Variants in THSD4 observed in about 807,000 individuals in gnomAD.
THSD4 encodes the protein thrombospondin type 1 domain containing 4.
THSD4 carries 69 observed loss-of-function variants against 119.0 expected under a neutral mutation model. The ratio of observed to expected loss-of-function variants is 0.58; its 90% CI spans 0.48 to 0.71. The LOEUF (loss-of-function observed/expected upper bound fraction) is 0.71, where lower values mean the gene tolerates loss of function less well. Among genes scored for constraint, THSD4 ranks in the 30% least tolerant of loss-of-function variants. The probability of loss-of-function intolerance (pLI) is 0.00; values close to 1 mark genes in which losing one functional copy is unlikely to be tolerated. For synonymous variants in THSD4, 524 were observed against 540.4 expected, an observed-to-expected ratio of 0.97 and a Z score of 0.42; for missense variants, 1,393 against 1,391.1, an observed-to-expected ratio of 1.00 and a Z score of -0.02.
intron 9 of THSD4, 147 bp from the exon 10 acceptor site, chr15:71,730,974 A>T (rs1470432431): frequency 3.0e-6 from 2 of 665,254 alleles, no homozygotes; most frequent in Non-Finnish European, 5.3e-6. Flanking sequence ...AACTTTGTTT[A>T]ATCTGCCACA....
chr15:71,348,171 G>C (rs2045692844), intron 6 of THSD4: 1 of 152,194 alleles, frequency 6.6e-6, no homozygotes, highest in Non-Finnish European at 1.5e-5. Context: ...GGGAATCTCA[G>C]TTCCAGGTTG....
At chr15:71,540,193 A>T (rs1169714624) in intron 7 of THSD4, among the ~76,000 whole-genome samples, 2 of 138,356 alleles carry the variant, frequency 1.4e-5, no homozygotes, top group Non-Finnish European at 3.0e-5. Flanking sequence ...GTTGGAGTGC[A>T]GTGGTGTGAT....
At chr15:71,448,140 C>T (rs907440827) in intron 7 of THSD4, among the ~76,000 whole-genome samples, 2 of 152,140 alleles carry the variant, frequency 1.3e-5, no homozygotes, top group Admixed American at 6.5e-5. Flanking sequence ...GTTCTGTCTG[C>T]CTGCTTGAAA....
At chr15:71,155,246 C>T (rs2040765156) in intron 3 of THSD4, among the ~76,000 whole-genome samples, 1 of 152,158 alleles carries the variant, frequency 6.6e-6, no homozygotes, top group Non-Finnish European at 1.5e-5. Flanking sequence ...AAAGGGGGAA[C>T]AGCACTTCAC....
intron 6 of THSD4, among the ~76,000 whole-genome samples, chr15:71,349,152 T>A (rs1179415950): frequency 6.6e-6 from 1 of 152,154 alleles, no homozygotes; most frequent in Non-Finnish European, 1.5e-5. Flanking sequence ...AGCAGTGAGA[T>A]CATAGGCAAT....
intron 7 of THSD4, among the ~76,000 whole-genome samples, chr15:71,621,817 A>G (rs1247704256): frequency 1.3e-5 from 2 of 152,226 alleles, no homozygotes; most frequent in Non-Finnish European, 2.9e-5. Flanking sequence ...AGTCTCAGTA[A>G]TAGAGGAGAT....
chr15:71,697,658 C>A (rs532807863), intron 8 of THSD4, among the ~76,000 whole-genome samples: 1 of 152,158 alleles, frequency 6.6e-6, no homozygotes, highest in Non-Finnish European at 1.5e-5. Context: ...CAGTCCAAAA[C>A]GCACCATGTA....
intron 5 of THSD4, among the ~76,000 whole-genome samples, chr15:71,252,715 G>A (rs2044273572): frequency 6.6e-6 from 1 of 152,220 alleles, no homozygotes; most frequent in African/African-American, 2.4e-5. Flanking sequence ...TGAGCCCTAT[G>A]ACCTTATGCA....
intron 7 of THSD4, among the ~76,000 whole-genome samples, chr15:71,479,150 G>T (rs1566999624): frequency 7.7e-6 from 1 of 129,814 alleles, no homozygotes; most frequent in Non-Finnish European, 1.6e-5. Context: ...CTTGTTCACT[G>T]GTGGCTTTTC....
intron 6 of THSD4, among the ~76,000 whole-genome samples, chr15:71,259,130 C>CA (rs1032436825): frequency 2.3e-4 from 35 of 149,438 alleles, no homozygotes; most frequent in African/African-American, 4.9e-4. Flanking sequence ...AAACAAAAAA[C>CA]AAAAAAAAAG....
chr15:71,586,047 C>A (rs2049663032), intron 7 of THSD4, among the ~76,000 whole-genome samples: 2 of 151,964 alleles, frequency 1.3e-5, no homozygotes, highest in South Asian at 4.2e-4. Context: ...ATTTTGAATT[C>A]TTTGTCAAGC....
At chr15:71,254,916 G>A (rs2044297306) in intron 5 of THSD4, among the ~76,000 whole-genome samples, 1 of 152,014 alleles carries the variant, frequency 6.6e-6, no homozygotes, top group Admixed American at 6.6e-5. Context: ...CTGCTTTAGG[G>A]GGCTTCTTGC....
chr15:71,450,759 C>T (rs1024021402), intron 7 of THSD4, among the ~76,000 whole-genome samples: 18 of 152,138 alleles, frequency 1.2e-4, no homozygotes, highest in African/African-American at 4.3e-4. Flanking sequence ...TGACATAAGA[C>T]AGATTAACAG....
At chr15:71,368,070 C>T (rs1200534487) in intron 6 of THSD4, among the ~76,000 whole-genome samples, 1 of 152,192 alleles carries the variant, frequency 6.6e-6, no homozygotes, top group Admixed American at 6.5e-5. Context: ...CTTTTGGCTG[C>T]ATAAATGTCT....
intron 7 of THSD4, among the ~76,000 whole-genome samples, chr15:71,580,898 CAT>C (rs760891774): frequency 6.6e-6 from 1 of 151,916 alleles, no homozygotes; most frequent in African/African-American, 2.4e-5. Flanking sequence ...CTTATATACA[CAT>C]ATGTGTGTGT....
At chr15:71,515,876 C>G (rs2140770430) in intron 7 of THSD4, among the ~76,000 whole-genome samples, 1 of 152,286 alleles carries the variant, frequency 6.6e-6, no homozygotes, top group African/African-American at 2.4e-5. Context: ...CACATTCTGG[C>G]AAAATCCTGG....
chr15:71,250,948 A>G (rs1442622230), intron 5 of THSD4, among the ~76,000 whole-genome samples: 1 of 152,230 alleles, frequency 6.6e-6, no homozygotes, highest in Non-Finnish European at 1.5e-5. Context: ...TTTGAGAATT[A>G]CAAAAATCTC....
At position 71,598,612 on chromosome 15, in the gene THSD4, TTTTG is replaced by T. The variant is rs768866301; in HGVS notation, c.1153-61906_1153-61903del. On this transcript the variant is annotated intron_variant, in intron 7 of 17. Transcript: ENST00000261862. The stretch of plus-strand genomic sequence containing the variant: ...GTTCTTCCTGTTTCTCTTAGGTGTT[TTTTG>T]TTTGTTTGTTTTGTTTTTTTGTTTT... 1.6e-4 allele frequency among the ~76,000 whole-genome samples: 24 copies of T among 152,182 alleles called. 1 individual carries two copies. The highest frequency in any genetic ancestry group is 3.3e-4 in the Admixed American group (5 of 15,274).
intron 7 of THSD4, among the ~76,000 whole-genome samples, chr15:71,543,134 A>T (rs770021729): frequency 6.6e-6 from 1 of 152,228 alleles, no homozygotes; most frequent in Non-Finnish European, 1.5e-5. Flanking sequence ...TATTGTGCCA[A>T]TGTTAACATC....
Sources: gnomAD v4.1 joint callset for allele counts (sites outside exome capture counted in the v4.1 genomes callset) on GRCh38, gnomAD v4.1.1 for gene constraint, MANE v1.5 for transcripts, NCBI Gene and HGNC (gene_info 2026-07-23, HGNC 2026-07-21) for gene names.